The following ADGRD1 variants were observed in gnomAD, a reference collection of about 807,000 sequenced individuals.
The protein encoded by ADGRD1 is adhesion G protein-coupled receptor D1.
A neutral mutation model predicts 113.4 loss-of-function variants in ADGRD1; 77 were observed. The observed-to-expected ratio is 0.68, with a 90% CI of 0.57 to 0.82. ADGRD1 has a LOEUF of 0.82. ADGRD1 is among the 40% of genes least tolerant of loss of function. ADGRD1 has a pLI of 0.00. For synonymous variants in ADGRD1, 474 were observed against 475.0 expected (o/e 1.00, Z 0.03); for missense variants, 1,036 against 1,139.1 (o/e 0.91, Z 1.30).
intron 17 of ADGRD1, among the ~76,000 whole-genome samples, chr12:131,106,104 C>A (rs1784413860): frequency 6.6e-6 from 1 of 152,200 alleles, no homozygotes. Flanking sequence ...CTGCCTAGCA[C>A]CAGCTACGCG....
chr12:130,968,999 T>G (rs1322580986), intron 3 of ADGRD1: 2 of 1,535,048 alleles, frequency 1.3e-6, no homozygotes, highest in South Asian at 2.4e-5. Context: ...ACAAGCTCAC[T>G]GTGCTTCCTT....
intron 3 of ADGRD1, chr12:130,968,713 T>C: frequency 2.1e-6 from 1 of 486,258 alleles, no homozygotes; most frequent in East Asian, 3.7e-5. Context: ...GCCAGAAAAT[T>C]AGAACTATCG....
At chr12:131,082,635 C>T (rs952889797) in intron 14 of ADGRD1, among the ~76,000 whole-genome samples, 84 of 152,162 alleles carry the variant, frequency 5.5e-4, no homozygotes, top group African/African-American at 1.9e-3. Context: ...CAGACAAAGG[C>T]GCAATATATA....
At chr12:131,125,090 A>G (rs763942272) in intron 20 of ADGRD1, among the ~76,000 whole-genome samples, 7 of 152,080 alleles carry the variant, frequency 4.6e-5, no homozygotes, top group Non-Finnish European at 1.0e-4. Flanking sequence ...TCTCCTCTTA[A>G]AATAAGTGAC....
chr12:131,100,346 T>C (rs768686831), intron 15 of ADGRD1, among the ~76,000 whole-genome samples: 4 of 151,130 alleles, frequency 2.6e-5, no homozygotes, highest in African/African-American at 4.9e-5. Flanking sequence ...GGTTGGTTCA[T>C]GGTCGGTTTG....
At chr12:131,071,747 C>T (rs938661304) in intron 13 of ADGRD1, among the ~76,000 whole-genome samples, 4 of 152,160 alleles carry the variant, frequency 2.6e-5, no homozygotes, top group Admixed American at 2.6e-4. Flanking sequence ...ACCAGGGATG[C>T]GGGCACCAGG....
In ADGRD1 at chr12:131,075,316, AT is replaced by A. The variant is rs1457945650; in HGVS notation, c.1474-1483del. ...CACCAGGTTTTTGTTCATCTTTTCT[AT>A]TATGTGAGGTTGGTGCTGCAGTTTT... is the stretch of plus-strand genomic sequence containing the variant. On this transcript the variant is annotated intron_variant, in intron 13 of 24. Transcript: ENST00000261654. This position sits in a 1 kb window ranked among gnomAD's most constrained non-coding sequence, Gnocchi z 5.3. 6.7e-6 allele frequency among the ~76,000 whole-genome samples: 1 copy of A among 148,582 alleles called. No individual in the cohort carries two copies. Among genetic ancestry groups the A allele is most frequent in the Non-Finnish European group, 1.5e-5 (1 of 67,516 alleles).
chr12:130,987,775 G>C (rs1156573363), intron 6 of ADGRD1: 1 of 207,650 alleles, frequency 4.8e-6, no homozygotes. Context: ...TGGGTAGGTG[G>C]ACTGGGGTTC....
At chr12:131,120,636 C>T (rs80340638) in intron 19 of ADGRD1, 33 of 635,330 alleles carry the variant, frequency 5.2e-5, no homozygotes, top group Non-Finnish European at 6.5e-5. Flanking sequence ...GGTTGCTGTC[C>T]TGGTCTTCAA....
At chr12:131,120,360 C>T (rs180709368) in intron 19 of ADGRD1, among the ~76,000 whole-genome samples, 76 of 152,276 alleles carry the variant, frequency 5.0e-4, no homozygotes, top group African/African-American at 1.8e-3. Flanking sequence ...GGACCCTCCT[C>T]TCAGGACATC....
intron 18 of ADGRD1, among the ~76,000 whole-genome samples, chr12:131,117,663 G>T (rs182283113): frequency 1.6e-4 from 24 of 152,270 alleles, no homozygotes; most frequent in Admixed American, 6.5e-4. Flanking sequence ...GCCAGTCCTG[G>T]GTCACATGCC....
chr12:131,104,840 G>T lies in ADGRD1; in HGVS notation c.1681G>T (p.Gly561Ter). The T allele has an allele frequency of 6.5e-7, 1 of 1,547,868 alleles. No homozygotes were observed. Among genetic ancestry groups the T allele is most frequent in the Non-Finnish European group, 8.7e-7 (1 of 1,146,804 alleles). The change falls in exon 16 of 25, where the codon GGA becomes TGA. Residue 561 changes from glycine (G) to a stop codon, truncating the protein, a stop_gained. Transcript: ENST00000261654. LOFTEE classifies it high-confidence loss of function. Reference sequence around the variant, plus strand: ...GCTCTGCTCCCCGCAGCTTGCACGCGGACACCAGGTGGCGCTGTCGTCTAT... The same window carrying T: ...GCTCTGCTCCCCGCAGCTTGCACGCTGACACCAGGTGGCGCTGTCGTCTAT... ...MQVVPLELAR[G>*]HQVALSSISY...
Position 131,139,364 on chromosome 12 carries a change from T to A in ADGRD1, c.*101T>A. The stretch of plus-strand genomic sequence containing the variant: ...CCCATGGACCCTCTCCTTGCTGCTG[T>A]CTGGACATGGGTGTTGTGGCCCCGA... On this transcript the variant is annotated 3_prime_UTR_variant, in exon 25 of 25. Coordinates refer to ENST00000261654, the MANE Select transcript of ADGRD1 (RefSeq NM_198827.5). The A allele has an allele frequency of 2.5e-6, 2 of 799,222 alleles. No homozygotes were observed. The highest frequency in any genetic ancestry group is 4.1e-6 in the Non-Finnish European group (2 of 486,784). The allele number at this position is 799,222 out of a possible 1,614,324, so 49.5% of individuals were successfully genotyped here. A position where few individuals can be genotyped will look rare whatever the true frequency, so the allele number is the denominator to read the frequency against.
At chr12:131,110,715 T>C (rs1367111723) in intron 18 of ADGRD1, among the ~76,000 whole-genome samples, 2 of 152,222 alleles carry the variant, frequency 1.3e-5, no homozygotes, top group Non-Finnish European at 2.9e-5. Context: ...TTGCTTGCTA[T>C]GTGTATGTAT....
At chr12:131,033,895 C>T (rs571864840) in intron 13 of ADGRD1, among the ~76,000 whole-genome samples, 3 of 152,224 alleles carry the variant, frequency 2.0e-5, no homozygotes, top group East Asian at 1.9e-4. Flanking sequence ...TGCATTTTCA[C>T]GGCACTCCTG....
chr12:130,961,478 T>G (rs1243640014), intron 2 of ADGRD1, among the ~76,000 whole-genome samples: 4 of 152,044 alleles, frequency 2.6e-5, no homozygotes, highest in Non-Finnish European at 5.9e-5. Context: ...CCCTGCTACT[T>G]GTTTTGCAGG....
In ADGRD1 at chr12:131,075,062, G is replaced by A. The variant is rs139194867; in HGVS notation, c.1474-1739G>A. 1.7e-4 allele frequency among the ~76,000 whole-genome samples: 26 copies of A among 152,300 alleles called. 1 individual carries two copies. Among genetic ancestry groups the A allele is most frequent in the African/African-American group, 6.0e-4 (25 of 41,548 alleles). On this transcript the variant is annotated intron_variant, in intron 13 of 24. Transcript: ENST00000261654. The surrounding 1 kb of genome is among the most constrained non-coding windows in gnomAD (Gnocchi z 5.3). ...TGAGGGGGTGATGGGAAGAGGCGTC[G>A]CCTCACTCCTGAGAAGCCTTGCCAC...
intron 18 of ADGRD1, among the ~76,000 whole-genome samples, chr12:131,114,474 C>T (rs1950417827): frequency 1.3e-5 from 2 of 152,088 alleles, no homozygotes; most frequent in South Asian, 4.1e-4. Context: ...ATCTCCCTGT[C>T]AGCTTTCCCT....
intron 13 of ADGRD1, among the ~76,000 whole-genome samples, chr12:131,021,274 C>T (rs1879282604): frequency 1.3e-5 from 2 of 152,054 alleles, no homozygotes; most frequent in Admixed American, 1.3e-4. Context: ...TTTTTTCAGT[C>T]CCGGGGTCTC....
Sources: gnomAD v4.1 joint callset for allele counts (sites outside exome capture counted in the v4.1 genomes callset) on GRCh38, gnomAD v4.1.1 for gene constraint, Gnocchi (gnomAD v3.1) non-coding constraint, MANE v1.5 for transcripts, NCBI Gene and HGNC (gene_info 2026-07-23, HGNC 2026-07-21) for gene names.